The following METTL16 variants were observed in gnomAD, a reference collection of about 807,000 sequenced individuals.
The protein encoded by METTL16 is RNA N(6)-adenosine-methyltransferase METTL16.
Under a neutral mutation model 57.9 loss-of-function variants are expected in METTL16, and 19 were observed. That is an observed-to-expected ratio of 0.33 (90% confidence interval 0.23 to 0.48). The LOEUF (loss-of-function observed/expected upper bound fraction) is 0.48. METTL16 is among the 20% of genes least tolerant of loss of function. The pLI is 0.99. For synonymous variants in METTL16, 246 were observed against 255.6 expected, an observed-to-expected ratio of 0.96 and a Z score of 0.36; for missense variants, 434 against 691.5, an observed-to-expected ratio of 0.63 and a Z score of 4.18.
At chr17:2,415,962 G>C (rs1402705653), downstream of METTL16, 1 of 152,062 alleles carries the variant, frequency 6.6e-6, no homozygotes, top group Non-Finnish European at 1.5e-5. Flanking sequence ...CAGCTGGAAA[G>C]AACAGAAAAA....
intron 8 of METTL16, among the ~76,000 whole-genome samples, chr17:2,435,092 A>T (rs1169354783): frequency 6.6e-6 from 1 of 151,854 alleles, no homozygotes; most frequent in Admixed American, 6.6e-5. Flanking sequence ...CATTAGCTGA[A>T]ATTATGGAAC....
At chr17:2,440,123 G>A (rs1394998442) in intron 7 of METTL16, among the ~76,000 whole-genome samples, 2 of 152,218 alleles carry the variant, frequency 1.3e-5, no homozygotes, top group African/African-American at 2.4e-5. Flanking sequence ...TGGGCGTGGT[G>A]GTGTGTGCCA....
At chr17:2,473,385 C>T in intron 4 of METTL16, 139 bp downstream of exon 4, 1 of 822,256 alleles carries the variant, frequency 1.2e-6, no homozygotes, top group Non-Finnish European at 1.8e-6. Context: ...GGTATCAAGA[C>T]AGCAAACCCA....
At chr17:2,485,701 A>G (rs530215841) in intron 2 of METTL16, among the ~76,000 whole-genome samples, 16 of 152,370 alleles carry the variant, frequency 1.1e-4, no homozygotes, top group African/African-American at 3.8e-4. Context: ...TTAAGTGTCA[A>G]CTATGTGCCA....
intron 2 of METTL16, among the ~76,000 whole-genome samples, chr17:2,484,641 T>C (rs1358099834): frequency 6.6e-6 from 1 of 152,094 alleles, no homozygotes; most frequent in South Asian, 2.1e-4. Context: ...ACTACAGACA[T>C]GTACCACCAT....
At chr17:2,505,931 T>TC in intron 1 of METTL16, among the ~76,000 whole-genome samples, 1 of 152,202 alleles carries the variant, frequency 6.6e-6, no homozygotes, top group East Asian at 1.9e-4. Flanking sequence ...GCCCTTGCTC[T>TC]TTGTGTCCTT....
intron 1 of METTL16, among the ~76,000 whole-genome samples, chr17:2,510,216 T>C (rs766694982): frequency 2.6e-5 from 4 of 152,230 alleles, no homozygotes; most frequent in Non-Finnish European, 4.4e-5. Flanking sequence ...CGGTATTTGT[T>C]CCACGCATAG....
intron 2 of METTL16, among the ~76,000 whole-genome samples, chr17:2,499,745 G>C (rs1201123619): frequency 6.6e-6 from 1 of 151,784 alleles, no homozygotes; most frequent in Non-Finnish European, 1.5e-5. Context: ...TCACATATAG[G>C]CTGTGCTCAA....
intron 2 of METTL16, among the ~76,000 whole-genome samples, chr17:2,483,141 T>G (rs2067318844): frequency 6.6e-6 from 1 of 151,814 alleles, no homozygotes; most frequent in Non-Finnish European, 1.5e-5. Context: ...CTAATTACAA[T>G]AAACTGTTTT....
chr17:2,473,775 G>A, intron 3 of METTL16, 111 bp from the exon 4 acceptor site: 4 of 1,191,838 alleles, frequency 3.4e-6, no homozygotes, highest in Non-Finnish European at 4.7e-6. Flanking sequence ...GTCTCACTCT[G>A]TCGCCCAGGC....
intron 6 of METTL16, among the ~76,000 whole-genome samples, chr17:2,454,565 T>TA (rs199815244): frequency 0.036 from 3,763 of 104,456 alleles, 56 homozygotes; most frequent in African/African-American, 0.055. Flanking sequence ...TTATTATTAT[T>TA]TTTTTTTTTT....
rs1419305543 is a variant in METTL16, at chr17:2,419,715, G to C, written c.*255C>G. The C allele has an allele frequency of 1.5e-6, 1 of 649,570 alleles. No individual in the cohort carries two copies. Among genetic ancestry groups the C allele is most frequent in the Non-Finnish European group, 2.8e-6 (1 of 352,112 alleles). 40.2% of individuals were successfully genotyped at this position (649,570 alleles called of 1,614,324 possible). A position where few individuals can be genotyped will look rare whatever the true frequency, so the allele number is the denominator to read the frequency against. ...AGCTTGAGCCAGCTTGCAATCCCTC[G>C]GGAGTTTACTGAGGGCTTTCTGTTG... On this transcript the variant is annotated 3_prime_UTR_variant, in exon 10 of 10. Coordinates refer to ENST00000263092, the MANE Select transcript of METTL16 (RefSeq NM_024086.4).
At chr17:2,456,124 G>A (rs1041660080) in intron 6 of METTL16, among the ~76,000 whole-genome samples, 2 of 152,002 alleles carry the variant, frequency 1.3e-5, no homozygotes, top group African/African-American at 4.8e-5. Context: ...CTCACAACTG[G>A]GAAATGTTCC....
At chr17:2,473,490 CAA>C in intron 4 of METTL16, 32 bp downstream of exon 4, 1 of 1,573,430 alleles carries the variant, frequency 6.4e-7, no homozygotes, top group Non-Finnish European at 8.6e-7. Context: ...GGTGAAGACA[CAA>C]AGTTTGGAGG....
rs1300099297 is a variant in METTL16, at chr17:2,483,991, A to T, written c.129-6106T>A. ...TTAACTAAATTTCACTGCTAAACAC[A>T]CAAAAGGAAAAATATCCCATGTCTA... On this transcript the variant is annotated intron_variant, in intron 2 of 9. Transcript: ENST00000263092. 2.6e-5 allele frequency among the ~76,000 whole-genome samples: 4 copies of T among 152,236 alleles called. No individual in the cohort carries two copies. The East Asian group carries it at 7.7e-4, about 29-fold the overall frequency.
chr17:2,454,560 A>AT (rs1476498879), intron 6 of METTL16, among the ~76,000 whole-genome samples: 2,138 of 138,714 alleles, frequency 0.015, 72 homozygotes, highest in African/African-American at 0.052. Context: ...TATTATTATT[A>AT]TTATTTTTTT....
At position 2,464,890 on chromosome 17, in the gene METTL16, C is replaced by T. The variant is rs6416864; in HGVS notation, c.586-540G>A. Among the ~76,000 whole-genome samples, 358 of 152,104 alleles carry T rather than the reference C, an allele frequency of 2.4e-3. 1 individual carries two copies. Among genetic ancestry groups the T allele is most frequent in the Non-Finnish European group, 4.0e-3 (275 of 67,970 alleles). On this transcript the variant is annotated intron_variant, in intron 5 of 9. Transcript: ENST00000263092. ...TTAGGCAACGGTTTCTGAGACATGA[C>T]AACAAAAGCATAAGCAACAAAAGAA...
intron 4 of METTL16, 65 bp from the exon 5 acceptor site, chr17:2,467,941 C>T (rs1456782567): frequency 5.5e-6 from 6 of 1,084,070 alleles, no homozygotes; most frequent in Non-Finnish European, 7.1e-6. Flanking sequence ...TATAACCGCG[C>T]ACTGCGTAAT....
intron 2 of METTL16, among the ~76,000 whole-genome samples, chr17:2,497,305 CT>C (rs781130501): frequency 1.2e-3 from 75 of 63,776 alleles, no homozygotes; most frequent in South Asian, 9.0e-3. Context: ...TGCACCCGGC[CT>C]TTTTTTTTTT....
Sources: allele counts gnomAD v4.1 joint callset (sites outside exome capture counted in the v4.1 genomes callset), GRCh38; gene constraint gnomAD v4.1.1; transcripts MANE v1.5; gene names NCBI Gene and HGNC (gene_info 2026-07-23, HGNC 2026-07-21).